Variants in GPAM observed in about 807,000 individuals in gnomAD.
GPAM encodes glycerol-3-phosphate acyltransferase 1, mitochondrial.
Under a neutral mutation model 105.0 loss-of-function variants are expected in GPAM, and 56 were observed. The observed-to-expected ratio is 0.53, with a 90% CI of 0.43 to 0.67. The LOEUF (loss-of-function observed/expected upper bound fraction) is 0.67, where lower values mean the gene tolerates loss of function less well. GPAM is among the 30% of genes least tolerant of loss of function. The pLI is 0.00. For missense variants in GPAM, 855 were observed against 989.8 expected (o/e 0.86, Z 1.83); for synonymous variants, 368 against 354.4 (o/e 1.04, Z -0.43).
At position 112,153,366 on chromosome 10, in the gene GPAM, G is replaced by A; in HGVS notation, c.*184C>T. The A allele has an allele frequency of 6.5e-7, 1 of 1,536,924 alleles. No individual in the cohort carries two copies. Among genetic ancestry groups the A allele is most frequent in the Admixed American group, 1.9e-5 (1 of 53,768 alleles). On this transcript the variant is annotated 3_prime_UTR_variant, in exon 22 of 22. Coordinates refer to ENST00000348367, the MANE Select transcript of GPAM (RefSeq NM_001244949.2). ...CCCCAAGTGTTATCTGCAGGCTGCT[G>A]TGTTGATGCAGAGCTGGGAAGATCA...
In GPAM at chr10:112,150,802, C is replaced by CTCATA. The variant is rs1259939188; in HGVS notation, c.*2743_*2747dup. 2 of 985,162 alleles carry CTCATA rather than the reference C, an allele frequency of 2.0e-6. No individual in the cohort carries two copies. Among genetic ancestry groups the CTCATA allele is most frequent in the Non-Finnish European group, 2.4e-6 (2 of 829,818 alleles). 61.0% of individuals were successfully genotyped at this position (985,162 alleles called of 1,614,324 possible). A position where few individuals can be genotyped will look rare whatever the true frequency, so the allele number is the denominator to read the frequency against. On this transcript the variant is annotated 3_prime_UTR_variant, in exon 22 of 22. Transcript: ENST00000348367. ...ACACTGATGAACATCTCACAGAGCA[C>CTCATA]TCATATTACATGGAGTGCTATGGGA... is the stretch of plus-strand genomic sequence containing the variant.
chr10:112,154,966 G>A lies in GPAM; in HGVS notation c.2312-279C>T, dbSNP rs1448339174. 12 of 513,222 alleles carry A rather than the reference G, an allele frequency of 2.3e-5. No individual in the cohort carries two copies. In the East Asian group the frequency reaches 3.5e-4, roughly 15 times the overall value. 31.8% of individuals were successfully genotyped at this position (513,222 alleles called of 1,614,324 possible). ...AGAGAGAGAAATAGGGAGAACAGAG[G>A]GAAGTAGAAATACCTAAAACATCCA... On this transcript the variant is annotated intron_variant, in intron 20 of 21. Transcript: ENST00000348367.
chr10:112,224,806 ACCACC>A, the GPAM span, among the ~76,000 whole-genome samples: 1 of 152,136 alleles, frequency 6.6e-6, no homozygotes, highest in Non-Finnish European at 1.5e-5. Context: ...TTGGAAGTCA[ACCACC>A]CCTTTTGGAA....
intron 1 of GPAM, among the ~76,000 whole-genome samples, chr10:112,210,332 A>T (rs1589612569): frequency 1.3e-5 from 2 of 152,078 alleles, no homozygotes; most frequent in Non-Finnish European, 2.9e-5. Flanking sequence ...ACTCTCTATG[A>T]CTCCACCATC....
intron 1 of GPAM, among the ~76,000 whole-genome samples, chr10:112,192,454 A>G (rs962739218): frequency 6.6e-6 from 1 of 152,228 alleles, no homozygotes; most frequent in African/African-American, 2.4e-5. Flanking sequence ...GGTGGCCGAT[A>G]TTGGATAAGG....
At chr10:112,174,541 G>T (rs1367980650) in intron 6 of GPAM, among the ~76,000 whole-genome samples, 4 of 152,262 alleles carry the variant, frequency 2.6e-5, no homozygotes, top group African/African-American at 9.6e-5. Flanking sequence ...AAAACATCTG[G>T]ATGAAATAAA....
At chr10:112,224,349 T>A in the GPAM span, among the ~76,000 whole-genome samples, 5 of 152,192 alleles carry the variant, frequency 3.3e-5, no homozygotes, top group Non-Finnish European at 7.3e-5. Context: ...TGTTTTCCCA[T>A]CTCCTGGAAA....
At chr10:112,176,766 A>G (rs1414745394) in intron 5 of GPAM, among the ~76,000 whole-genome samples, 2 of 152,238 alleles carry the variant, frequency 1.3e-5, no homozygotes, top group African/African-American at 4.8e-5. Context: ...GCACATGTGC[A>G]TGAGTGTGAC....
intron 9 of GPAM, among the ~76,000 whole-genome samples, chr10:112,170,531 G>C (rs1017938711): frequency 2.6e-5 from 4 of 152,144 alleles, no homozygotes; most frequent in African/African-American, 7.2e-5. Context: ...GAAGGAAATG[G>C]GTATAGGAAA....
upstream of GPAM, among the ~76,000 whole-genome samples, chr10:112,188,141 A>C (rs1475192624): frequency 1.3e-5 from 2 of 152,182 alleles, no homozygotes; most frequent in Non-Finnish European, 1.5e-5. Context: ...AGTATAAATT[A>C]AACCCAAAAT....
chr10:112,181,059 A>G (rs1021083149), intron 3 of GPAM, among the ~76,000 whole-genome samples: 9 of 152,136 alleles, frequency 5.9e-5, no homozygotes, highest in African/African-American at 2.2e-4. Context: ...CTTAAAGACC[A>G]GAACTTAAAT....
chr10:112,216,140 T>C (rs1435680842), upstream of GPAM, among the ~76,000 whole-genome samples: 1 of 152,242 alleles, frequency 6.6e-6, no homozygotes, highest in Non-Finnish European at 1.5e-5. Context: ...TCTGAGGCTC[T>C]TACAGGCCCT....
intron 1 of GPAM, among the ~76,000 whole-genome samples, chr10:112,199,089 ATGTG>A (rs34627276): frequency 0.011 from 1,509 of 134,908 alleles, 19 homozygotes; most frequent in East Asian, 0.037. Context: ...CGCCTGGCTA[ATGTG>A]TGTGTGTGTG....
chr10:112,161,608 G>A, intron 15 of GPAM, 59 bp downstream of exon 15: 1 of 1,371,072 alleles, frequency 7.3e-7, no homozygotes, highest in Non-Finnish European at 1.0e-6. Context: ...ATGTATCTGA[G>A]CAGCTGACAA....
At chr10:112,157,921 A>G (rs1847046430) in intron 18 of GPAM, among the ~76,000 whole-genome samples, 1 of 152,212 alleles carries the variant, frequency 6.6e-6, no homozygotes, top group Non-Finnish European at 1.5e-5. Flanking sequence ...ACATGACTAT[A>G]TACCAAATGT....
At chr10:112,192,747 T>A (rs1208779696) in intron 1 of GPAM, among the ~76,000 whole-genome samples, 1 of 152,202 alleles carries the variant, frequency 6.6e-6, no homozygotes, top group Non-Finnish European at 1.5e-5. Context: ...CAAAATAAAA[T>A]TCTGACATGT....
At chr10:112,213,166 T>C (rs976083440) in intron 1 of GPAM, among the ~76,000 whole-genome samples, 1 of 152,196 alleles carries the variant, frequency 6.6e-6, no homozygotes, top group African/African-American at 2.4e-5. Flanking sequence ...TTACAATGTT[T>C]TTACCATCAG....
chr10:112,186,762 G>A (rs1756279332), upstream of GPAM, among the ~76,000 whole-genome samples: 2 of 152,072 alleles, frequency 1.3e-5, no homozygotes, highest in African/African-American at 4.8e-5. Flanking sequence ...TATTGCCCAG[G>A]CCGGTCTCGA....
intron 9 of GPAM, 112 bp from the exon 10 acceptor site, chr10:112,169,064 T>TG: frequency 1.4e-6 from 1 of 728,876 alleles, no homozygotes; most frequent in Non-Finnish European, 2.4e-6. Context: ...ATGTGCCGTT[T>TG]GAGCAGCTGA....
Sources: gnomAD v4.1 joint callset for allele counts (sites outside exome capture counted in the v4.1 genomes callset) on GRCh38, gnomAD v4.1.1 for gene constraint, MANE v1.5 for transcripts, NCBI Gene and HGNC (gene_info 2026-07-23, HGNC 2026-07-21) for gene names.